MAST2: variants seen among roughly 807,000 people sequenced by gnomAD.
MAST2 encodes microtubule-associated serine/threonine-protein kinase 2.
MAST2 carries 70 observed loss-of-function variants against 147.4 expected under a neutral mutation model. The observed-to-expected ratio is 0.47, with a 90% CI of 0.39 to 0.58. The LOEUF is 0.58. Among genes scored for constraint, MAST2 ranks in the 20% least tolerant of loss-of-function variants. MAST2 has a pLI of 0.00. For missense variants in MAST2, 2,080 were observed against 2,302.3 expected, an observed-to-expected ratio of 0.90 and a Z score of 1.98; for synonymous variants, 869 against 896.8, an observed-to-expected ratio of 0.97 and a Z score of 0.55.
At chr1:45,847,470 C>T in intron 3 of MAST2, 1 of 641,208 alleles carries the variant, frequency 1.6e-6, no homozygotes, top group Non-Finnish European at 2.7e-6. Context: ...AAGATTGAAA[C>T]ACAAGGCCTT....
At chr1:45,879,749 A>G (rs757018541) in intron 3 of MAST2, among the ~76,000 whole-genome samples, 1 of 152,158 alleles carries the variant, frequency 6.6e-6, no homozygotes, top group African/African-American at 2.4e-5. Context: ...ATTTTAAGAT[A>G]CTTCACAAAG....
At chr1:46,028,635 G>C (rs1220083566) in intron 17 of MAST2, 133 bp from the exon 18 acceptor site, 4 of 860,552 alleles carry the variant, frequency 4.6e-6, no homozygotes, top group Non-Finnish European at 7.4e-6. Flanking sequence ...TGTTGATCTT[G>C]TTCATTAACT....
rs201737821 is a variant in MAST2, at chr1:45,906,615, AATTAT to A, written c.500+24228_500+24232del. ...GTTGTATATATTATTGTTATTATAT[AATTAT>A]ATTATATGTTATTTTATATGATACA... On this transcript the variant is annotated intron_variant, in intron 4 of 28. Coordinates refer to ENST00000361297, the MANE Select transcript of MAST2 (RefSeq NM_015112.3). Among the ~76,000 whole-genome samples the A allele has an allele frequency of 5.1e-3, 763 of 148,276 alleles. 6 individuals are homozygous for A. The highest frequency in any genetic ancestry group is 0.029 in the Middle Eastern group (8 of 280).
chr1:45,897,749 C>T (rs1360543868), intron 4 of MAST2, among the ~76,000 whole-genome samples: 3 of 151,440 alleles, frequency 2.0e-5, no homozygotes, highest in Admixed American at 6.6e-5. Flanking sequence ...GCGGAGGTTG[C>T]GGTGAGCCAT....
intron 3 of MAST2, among the ~76,000 whole-genome samples, chr1:45,852,182 A>C (rs1419747786): frequency 6.6e-6 from 1 of 152,112 alleles, no homozygotes; most frequent in Non-Finnish European, 1.5e-5. Flanking sequence ...GTGTATGTAC[A>C]AGTCATGCAA....
At chr1:45,945,645 G>C (rs1276796752) in intron 4 of MAST2, among the ~76,000 whole-genome samples, 1 of 152,168 alleles carries the variant, frequency 6.6e-6, no homozygotes, top group Non-Finnish European at 1.5e-5. Context: ...ATTAAACTGT[G>C]TATTAAGTAA....
intron 5 of MAST2, among the ~76,000 whole-genome samples, chr1:45,974,794 A>G (rs1644067447): frequency 6.6e-6 from 1 of 152,196 alleles, no homozygotes; most frequent in Non-Finnish European, 1.5e-5. Flanking sequence ...GCTTTTCTAT[A>G]TGACTTTCTG....
chr1:45,909,575 A>C (rs1651339436), intron 4 of MAST2, among the ~76,000 whole-genome samples: 1 of 149,716 alleles, frequency 6.7e-6, no homozygotes, highest in East Asian at 2.0e-4. Context: ...GCTGGAGTGC[A>C]GTGGTGTGGT....
intron 5 of MAST2, among the ~76,000 whole-genome samples, chr1:45,967,685 G>A (rs1026536973): frequency 6.6e-6 from 1 of 152,116 alleles, no homozygotes. Context: ...AAGAGGTGGA[G>A]GAGGTGGAAA....
chr1:46,032,977 A>C (rs1397686917), intron 26 of MAST2, among the ~76,000 whole-genome samples: 2 of 16,342 alleles, frequency 1.2e-4, no homozygotes, highest in Admixed American at 1.1e-3. Context: ...CTAAAAATAC[A>C]AAAAAAAAAA....
intron 3 of MAST2, among the ~76,000 whole-genome samples, chr1:45,872,733 G>T (rs779340244): frequency 2.0e-5 from 3 of 151,994 alleles, no homozygotes; most frequent in Non-Finnish European, 2.9e-5. Context: ...CACCAGCCTC[G>T]GCCTCCCAAA....
At chr1:46,014,420 G>A (rs1645847606) in intron 10 of MAST2, among the ~76,000 whole-genome samples, 2 of 145,798 alleles carry the variant, frequency 1.4e-5, no homozygotes, top group Admixed American at 7.2e-5. Flanking sequence ...GTGAGAATAT[G>A]CGGTGTTTGG....
intron 5 of MAST2, among the ~76,000 whole-genome samples, chr1:45,963,559 CTGTT>C (rs1461267123): frequency 1.3e-5 from 2 of 152,148 alleles, no homozygotes; most frequent in African/African-American, 4.8e-5. Context: ...ATTTGGCTCT[CTGTT>C]TGTCTGTTAT....
At chr1:45,871,342 A>C (rs1646385951) in intron 3 of MAST2, among the ~76,000 whole-genome samples, 1 of 151,968 alleles carries the variant, frequency 6.6e-6, no homozygotes, top group Admixed American at 6.6e-5. Flanking sequence ...CAAGCACTCC[A>C]TGTCTCTTAT....
In MAST2 at chr1:45,871,080, TAA is replaced by T. The variant is rs5773896; in HGVS notation, c.469-11268_469-11267del. Among the ~76,000 whole-genome samples, 618 of 139,366 alleles carry T rather than the reference TAA, an allele frequency of 4.4e-3. 3 individuals are homozygous for T. Among genetic ancestry groups the T allele is most frequent in the Middle Eastern group, 7.2e-3 (2 of 276 alleles). 91.4% of individuals were successfully genotyped at this position (139,366 alleles called of 152,430 possible). A position where few individuals can be genotyped will look rare whatever the true frequency, so the allele number is the denominator to read the frequency against. ...CAAATGGCATACAGTAGGTTTTCTT[TAA>T]AAAAAAAAAAAAAAAGTCCTGTTTG... On this transcript the variant is annotated intron_variant, in intron 3 of 28. Transcript: ENST00000361297.
rs1432196724 is a variant in MAST2 at position 45,847,587 on chromosome 1, T to C, written c.468+18006T>C. On this transcript the variant is annotated intron_variant, in intron 3 of 28. Coordinates refer to ENST00000361297, the MANE Select transcript of MAST2 (RefSeq NM_015112.3). ...GACTTTTTTTCCCATCCTGCACTTT[T>C]TCCCTTTGGTGCTTTAGGTATAGTG... The C allele has an allele frequency of 6.2e-6, 5 of 806,304 alleles. No individual in the cohort carries two copies. The East Asian group carries it at 1.8e-4, about 29-fold the overall frequency. The allele number at this position is 806,304 out of a possible 1,614,324, so 49.9% of individuals were successfully genotyped here.
Position 45,989,649 on chromosome 1 carries a change from T to C in MAST2, c.593-8075T>C, listed in dbSNP as rs138711570. 2.6e-5 allele frequency among the ~76,000 whole-genome samples: 4 copies of C among 152,332 alleles called. No individual in the cohort carries two copies. In the East Asian group the frequency reaches 5.8e-4, roughly 22 times the overall value. On this transcript the variant is annotated intron_variant, in intron 5 of 28. Transcript: ENST00000361297. The stretch of plus-strand genomic sequence containing the variant: ...CTAGGTTATAAAGTTCTGTATGTTT[T>C]GACAAATGCGTAATGTCACGTATCT...
At chr1:45,913,650 T>C in intron 4 of MAST2, 2 of 1,015,786 alleles carry the variant, frequency 2.0e-6, no homozygotes, top group Non-Finnish European at 2.4e-6. Context: ...TTAGGTCTTT[T>C]GTGGGGGGAT....
chr1:46,011,800 TAAG>T (rs777201789), intron 10 of MAST2, among the ~76,000 whole-genome samples: 2 of 152,116 alleles, frequency 1.3e-5, no homozygotes, highest in African/African-American at 2.4e-5. Context: ...CGTCTAGAAA[TAAG>T]AAGGAGCAGG....
Sources: gnomAD v4.1 joint callset for allele counts (sites outside exome capture counted in the v4.1 genomes callset) on GRCh38, gnomAD v4.1.1 for gene constraint, MANE v1.5 for transcripts, NCBI Gene and HGNC (gene_info 2026-07-23, HGNC 2026-07-21) for gene names.